MEIS2: variants seen among roughly 807,000 people sequenced by gnomAD.
MEIS2 encodes Meis homeobox 2.
MEIS2 carries 9 observed loss-of-function variants against 58.6 expected under a neutral mutation model. The ratio of observed to expected loss-of-function variants is 0.15; its 90% CI spans 0.09 to 0.27. The LOEUF is 0.27. Ranked by LOEUF, MEIS2 falls within the 10% of genes least tolerant of loss-of-function variation. The probability of loss-of-function intolerance (pLI) is 1.00; values close to 1 mark genes in which losing one functional copy is unlikely to be tolerated. For missense variants in MEIS2, 427 were observed against 635.0 expected (o/e 0.67, Z 3.52); for synonymous variants, 221 against 228.4 (o/e 0.97, Z 0.29).
intron 7 of MEIS2, among the ~76,000 whole-genome samples, chr15:37,052,079 C>T (rs1472951064): frequency 6.6e-6 from 1 of 152,144 alleles, no homozygotes; most frequent in East Asian, 1.9e-4. Flanking sequence ...CCCATTCCTT[C>T]TAAGTAAAAT....
At chr15:37,026,529 TTTAAA>T (rs2061713090) in intron 8 of MEIS2, among the ~76,000 whole-genome samples, 1 of 152,178 alleles carries the variant, frequency 6.6e-6, no homozygotes, top group Non-Finnish European at 1.5e-5. Flanking sequence ...AACAGAGGTA[TTTAAA>T]TTAACAGCAG....
At chr15:37,042,401 C>T (rs1245431510) in intron 7 of MEIS2, among the ~76,000 whole-genome samples, 2 of 152,118 alleles carry the variant, frequency 1.3e-5, no homozygotes, top group Admixed American at 1.3e-4. Flanking sequence ...CTACTTACCC[C>T]ATCCCTGCCA....
intron 8 of MEIS2, among the ~76,000 whole-genome samples, chr15:37,012,553 T>C (rs960182627): frequency 6.6e-6 from 1 of 152,200 alleles, no homozygotes; most frequent in African/African-American, 2.4e-5. Flanking sequence ...TCTTCCCCTA[T>C]TTTGCATAGG....
At chr15:37,072,413 A>G (rs560732564) in intron 7 of MEIS2, among the ~76,000 whole-genome samples, 32 of 152,168 alleles carry the variant, frequency 2.1e-4, no homozygotes, top group East Asian at 1.9e-4. Flanking sequence ...AGTTTGGTAA[A>G]CAGTGCTCTA....
intron 8 of MEIS2, among the ~76,000 whole-genome samples, chr15:36,988,601 GT>G (rs1295153706): frequency 1.3e-5 from 2 of 152,170 alleles, no homozygotes; most frequent in Non-Finnish European, 2.9e-5. Flanking sequence ...CACTGCATAA[GT>G]CATTACATAG....
chr15:37,051,588 C>CT (rs2141808775), intron 7 of MEIS2, among the ~76,000 whole-genome samples: 1 of 152,246 alleles, frequency 6.6e-6, no homozygotes, highest in South Asian at 2.1e-4. Flanking sequence ...AAATTGTACA[C>CT]TTTAAATGGG....
At chr15:36,978,407 GCTCCAGGATCTGTGCT>G (rs2059827006) in intron 8 of MEIS2, among the ~76,000 whole-genome samples, 1 of 152,196 alleles carries the variant, frequency 6.6e-6, no homozygotes, top group East Asian at 1.9e-4. Flanking sequence ...GGCCAGCCTG[GCTCCAGGATCTGTGCT>G]CTTATCGCTG....
chr15:37,055,215 T>C (rs1430746185), intron 7 of MEIS2, among the ~76,000 whole-genome samples: 1 of 152,148 alleles, frequency 6.6e-6, no homozygotes, highest in Non-Finnish European at 1.5e-5. Flanking sequence ...ATTGAGTAAT[T>C]CATGCCAAGA....
intron 9 of MEIS2, among the ~76,000 whole-genome samples, chr15:36,922,937 G>T (rs762401021): frequency 6.6e-6 from 1 of 151,966 alleles, no homozygotes; most frequent in Non-Finnish European, 1.5e-5. Flanking sequence ...AACTTTCTAC[G>T]CAGTGTTTTT....
chr15:37,093,614 T>C lies in MEIS2; in HGVS notation c.606A>G (p.Glu202=), dbSNP rs774778254. The C allele has an allele frequency of 1.2e-6, 2 of 1,614,178 alleles. No individual in the cohort carries two copies. Among genetic ancestry groups the C allele is most frequent in the East Asian group, 4.5e-5 (2 of 44,880 alleles). ...RDGSSKSDHE[E]LSGSSTNLAD... is the part of the protein sequence containing the mutation. ...CGAGATTTGTGGAGGAGCCTGAAAG[T>C]TCTTCATGATCTGACTTGGAGCTGC... Residue 202 remains glutamate (E), a synonymous_variant, in exon 6 of 12, where the codon GAA becomes GAG. Coordinates refer to ENST00000561208, the MANE Select transcript of MEIS2 (RefSeq NM_170675.5).
rs2062590016 is a variant in MEIS2 at position 37,044,747 on chromosome 15, G to A, written c.755-7788C>T. Among the ~76,000 whole-genome samples, 3 of 152,092 alleles carry A rather than the reference G, an allele frequency of 2.0e-5. No homozygotes were observed. The South Asian group carries it at 6.2e-4, about 32-fold the overall frequency. ...ATGCTCTCTACTTCTTCAACAGTTT[G>A]TTCTTACCTCTGTTATTTACTTTTC... On this transcript the variant is annotated intron_variant, in intron 7 of 11. Transcript: ENST00000561208.
intron 9 of MEIS2, among the ~76,000 whole-genome samples, chr15:36,926,528 G>A (rs1395166547): frequency 1.3e-5 from 2 of 152,290 alleles, no homozygotes; most frequent in Middle Eastern, 3.4e-3. Context: ...TGAATTACAT[G>A]TTCTGGGAAA....
chr15:36,914,847 C>A (rs1309026362), intron 9 of MEIS2, among the ~76,000 whole-genome samples: 1 of 152,132 alleles, frequency 6.6e-6, no homozygotes, highest in Non-Finnish European at 1.5e-5. Flanking sequence ...CATTAAAAAA[C>A]CCCACAAATC....
intron 8 of MEIS2, chr15:37,036,284 T>G (rs1374397179): frequency 1.3e-5 from 2 of 152,194 alleles, no homozygotes; most frequent in Non-Finnish European, 2.9e-5. Context: ...ACAGCACCTA[T>G]AACCCTTCTG....
intron 8 of MEIS2, among the ~76,000 whole-genome samples, chr15:37,036,107 C>A (rs994054785): frequency 3.9e-5 from 6 of 152,032 alleles, no homozygotes; most frequent in African/African-American, 1.5e-4. Flanking sequence ...CAGTATGTAT[C>A]CACACATACA....
Position 36,988,876 on chromosome 15 carries a change from A to G in MEIS2, c.901-38476T>C, listed in dbSNP as rs141200846. The stretch of plus-strand genomic sequence containing the variant: ...ATATAACCAAAACTTACTTATTACT[A>G]GATCATCTTATCCCTTCTGCATGGA... On this transcript the variant is annotated intron_variant, in intron 8 of 11. Coordinates refer to ENST00000561208, the MANE Select transcript of MEIS2 (RefSeq NM_170675.5). 2.8e-3 allele frequency among the ~76,000 whole-genome samples: 431 copies of G among 152,332 alleles called. 2 individuals carry two copies. Among genetic ancestry groups the G allele is most frequent in the African/African-American group, 0.01 (419 of 41,582 alleles).
intron 8 of MEIS2, among the ~76,000 whole-genome samples, chr15:36,999,363 C>T (rs1339914284): frequency 6.6e-6 from 1 of 152,164 alleles, no homozygotes; most frequent in East Asian, 1.9e-4. Flanking sequence ...CATAGTAAAC[C>T]ATGCTGACTC....
At chr15:37,008,773 T>C (rs1392367081) in intron 8 of MEIS2, among the ~76,000 whole-genome samples, 1 of 152,182 alleles carries the variant, frequency 6.6e-6, no homozygotes, top group Non-Finnish European at 1.5e-5. Flanking sequence ...TATTTTTAAG[T>C]GAAGCATCAC....
At chr15:37,028,959 G>A (rs1372100504) in intron 8 of MEIS2, among the ~76,000 whole-genome samples, 1 of 147,206 alleles carries the variant, frequency 6.8e-6, no homozygotes, top group African/African-American at 2.5e-5. Flanking sequence ...ACAGTTAATT[G>A]GAAACATTGC....
Sources: allele counts gnomAD v4.1 joint callset (sites outside exome capture counted in the v4.1 genomes callset), GRCh38; gene constraint gnomAD v4.1.1; transcripts MANE v1.5; gene names NCBI Gene and HGNC (gene_info 2026-07-23, HGNC 2026-07-21).